The following PUS3 variants were observed in gnomAD, a reference collection of about 807,000 sequenced individuals.
The protein encoded by PUS3 is pseudouridine synthase 3.
A neutral mutation model predicts 43.3 loss-of-function variants in PUS3; 36 were observed. That is an observed-to-expected ratio of 0.83 (90% CI 0.64 to 1.10). PUS3 has a LOEUF of 1.10. Among genes scored for constraint, PUS3 ranks in the 50% least tolerant of loss-of-function variants. PUS3 has a pLI of 0.00. For missense variants in PUS3, 544 were observed against 589.9 expected (o/e 0.92, Z 0.81); for synonymous variants, 183 against 199.2 (o/e 0.92, Z 0.69).
rs1311323980 is a variant in PUS3 at position 125,894,031 on chromosome 11, A to C, written c.1200T>G (p.Ser400Arg). Residue 400 changes from serine to arginine, a missense_variant, in exon 4 of 4, where the codon AGT (serine) becomes AGG (arginine). By Grantham distance (110) the Ser-to-Arg change is moderately radical. Coordinates refer to ENST00000227474, the MANE Select transcript of PUS3 (RefSeq NM_031307.4). ...NVKPSVIKQT[S>R]AFVEGVKMRT... is the part of the protein sequence containing the mutation. ...GCATCTTCACTCCTTCTACAAAGGC[A>C]CTGGTCTGCTTTATGACAGAGGGCT... 6.2e-7 allele frequency: 1 copy of C among 1,614,212 alleles called. No homozygotes were observed. Among genetic ancestry groups the C allele is most frequent in the African/African-American group, 1.3e-5 (1 of 75,060 alleles).
chr11:125,901,141 C>T (rs480383), intron 1 of PUS3, among the ~76,000 whole-genome samples: 141,071 of 152,280 alleles, frequency 0.93, 65,529 homozygotes, highest in East Asian at 1. Context: ...AAAATACTTT[C>T]TAACAAATGC....
intron 1 of PUS3, among the ~76,000 whole-genome samples, chr11:125,897,753 T>G (rs556994796): frequency 1.3e-5 from 2 of 152,230 alleles, no homozygotes; most frequent in Non-Finnish European, 2.9e-5. Context: ...GCTCTATTAA[T>G]GTATGGTCAG....
intron 1 of PUS3, among the ~76,000 whole-genome samples, chr11:125,898,105 A>C (rs1944642697): frequency 6.6e-6 from 1 of 152,202 alleles, no homozygotes; most frequent in Non-Finnish European, 1.5e-5. Context: ...ATTAAAAAAA[A>C]ATGTACATGT....
At chr11:125,902,706 ACT>A (rs1285195134) in intron 1 of PUS3, among the ~76,000 whole-genome samples, 2 of 152,092 alleles carry the variant, frequency 1.3e-5, no homozygotes, top group Admixed American at 6.5e-5. Flanking sequence ...AAGAGGGAGT[ACT>A]GTCCAAAGGA....
At chr11:125,899,276 TA>T in intron 1 of PUS3, 1 of 1,122,150 alleles carries the variant, frequency 8.9e-7, no homozygotes, top group African/African-American at 1.5e-5. Flanking sequence ...AAAACGGAGA[TA>T]AGGGAATGAG....
chr11:125,897,189 C>T (rs900102248), intron 1 of PUS3, among the ~76,000 whole-genome samples: 7 of 152,050 alleles, frequency 4.6e-5, no homozygotes, highest in African/African-American at 9.7e-5. Context: ...GTTCTAAGGC[C>T]ATGTTATCTA....
At chr11:125,900,563 A>G in intron 1 of PUS3, 1 of 401,016 alleles carries the variant, frequency 2.5e-6, no homozygotes, top group Admixed American at 4.2e-5. Flanking sequence ...TTTTTTACCT[A>G]TCAATATGAG....
At chr11:125,897,522 TAAAA>T (rs367854387) in intron 1 of PUS3, among the ~76,000 whole-genome samples, 1 of 147,330 alleles carries the variant, frequency 6.8e-6, no homozygotes, top group African/African-American at 2.5e-5. Flanking sequence ...AATGAAAAAG[TAAAA>T]AAAAAAAAAA....
rs201659793 is a variant in PUS3 at position 125,894,005 on chromosome 11, C to T, written c.1226G>A (p.Arg409His). Residue 409 changes from arginine (R) to histidine (H), a missense_variant, in exon 4 of 4, where the codon CGC becomes CAC. Transcript: ENST00000227474. ...ACGGTCCATGAGGGGCTTATATGTG[C>T]GCATCTTCACTCCTTCTACAAAGGC... ...TSAFVEGVKM[R>H]TYKPLMDRPK... 2.5e-5 allele frequency: 40 copies of T among 1,614,012 alleles called. No homozygotes were observed. Among genetic ancestry groups the T allele is most frequent in the Admixed American group, 1.7e-4 (10 of 59,986 alleles).
intron 1 of PUS3, chr11:125,900,632 A>T: frequency 3.8e-6 from 1 of 265,726 alleles, no homozygotes; most frequent in East Asian, 1.2e-4. Context: ...CCAATTAAAG[A>T]ATTTTGGAAA....
At chr11:125,902,149 A>G (rs4937068) in intron 1 of PUS3, among the ~76,000 whole-genome samples, 122,848 of 151,926 alleles carry the variant, frequency 0.81, 50,446 homozygotes, top group Admixed American at 0.89. Flanking sequence ...TGCTTTTTCC[A>G]GCACACCTTA....
intron 1 of PUS3, chr11:125,899,540 C>G: frequency 6.2e-7 from 1 of 1,614,124 alleles, no homozygotes. Context: ...TTCAGTAGCC[C>G]CAGGGAAGCG....
At chr11:125,896,418 AAAG>A (rs1944593677) in intron 1 of PUS3, 88 bp from the exon 2 acceptor site, 1 of 912,020 alleles carries the variant, frequency 1.1e-6, no homozygotes, top group African/African-American at 1.6e-5. Flanking sequence ...TTTAATGCCC[AAAG>A]AATATACTTT....
At chr11:125,899,003 T>G (rs1159383957) in intron 1 of PUS3, 1 of 189,744 alleles carries the variant, frequency 5.3e-6, no homozygotes, top group Non-Finnish European at 1.1e-5. Context: ...GCACATAAAG[T>G]ACTCCCTAAG....
chr11:125,899,486 A>G lies in PUS3; in HGVS notation c.-46-3156T>C. 6.2e-7 allele frequency: 1 copy of G among 1,614,196 alleles called. No individual in the cohort carries two copies. Among genetic ancestry groups the G allele is most frequent in the African/African-American group, 1.3e-5 (1 of 75,048 alleles). ...TGCAGGGCAGGGTGAAGGAGATGTC[A>G]GGAGAGAAGCCCAATCTATCCAATA... On this transcript the variant is annotated intron_variant, in intron 1 of 3. Transcript: ENST00000227474.
chr11:125,897,993 C>T (rs545196792), intron 1 of PUS3, among the ~76,000 whole-genome samples: 15 of 152,148 alleles, frequency 9.9e-5, no homozygotes, highest in Admixed American at 4.6e-4. Flanking sequence ...ATTGGAATTC[C>T]GCGCAACATA....
intron 1 of PUS3, chr11:125,900,609 G>T: frequency 6.7e-6 from 2 of 300,210 alleles, no homozygotes; most frequent in Non-Finnish European, 1.3e-5. Context: ...TAAGTTGCTG[G>T]GCATTACACT....
chr11:125,899,647 G>A (rs1944700576), intron 1 of PUS3: 3 of 1,614,084 alleles, frequency 1.9e-6, no homozygotes, highest in Non-Finnish European at 1.7e-6. Context: ...GAAAGCCAGT[G>A]ATGAAGAGAA....
Position 125,896,314 on chromosome 11 carries a change from A to G in PUS3, c.-30T>C, listed in dbSNP as rs1467016917. On this transcript the variant is annotated 5_prime_UTR_variant, in exon 2 of 4. It removes an upstream start codon present in the reference 5' UTR. Transcript: ENST00000227474. Reference sequence around the variant, plus strand: ...TGACAACCCCAGGAATAAACGAACCATACAGGTCTGCCCTGTCTGAAAAGA... The same window carrying G: ...TGACAACCCCAGGAATAAACGAACCGTACAGGTCTGCCCTGTCTGAAAAGA... 6.4e-7 allele frequency: 1 copy of G among 1,562,380 alleles called. No individual in the cohort carries two copies. Among genetic ancestry groups the G allele is most frequent in the Admixed American group, 1.7e-5 (1 of 58,668 alleles).
Sources: allele counts gnomAD v4.1 joint callset (sites outside exome capture counted in the v4.1 genomes callset), GRCh38; gene constraint gnomAD v4.1.1; transcripts MANE v1.5; gene names NCBI Gene and HGNC (gene_info 2026-07-23, HGNC 2026-07-21).